MAP4: variants seen among roughly 807,000 people sequenced by gnomAD.
MAP4 encodes microtubule associated protein 4.
A neutral mutation model predicts 170.2 loss-of-function variants in MAP4; 76 were observed. The observed-to-expected ratio is 0.45, with a 90% CI of 0.37 to 0.54. The LOEUF is 0.54. Among genes scored for constraint, MAP4 ranks in the 20% least tolerant of loss-of-function variants. MAP4 has a pLI of 0.00. For missense variants in MAP4, 2,506 were observed against 2,748.0 expected, an observed-to-expected ratio of 0.91 and a Z score of 1.97; for synonymous variants, 909 against 994.5, an observed-to-expected ratio of 0.91 and a Z score of 1.62.
At chr3:47,928,154 T>C in intron 4 of MAP4, 74 bp downstream of exon 4, 1 of 1,576,040 alleles carries the variant, frequency 6.3e-7, no homozygotes, top group Non-Finnish European at 8.7e-7. Flanking sequence ...CATTTTCATC[T>C]GAATGGTGGT....
intron 1 of MAP4, among the ~76,000 whole-genome samples, chr3:48,045,286 GA>G (rs1346198578): frequency 1.3e-5 from 2 of 148,538 alleles, no homozygotes; most frequent in Admixed American, 6.7e-5. Flanking sequence ...AAATTTCATT[GA>G]AACATTAAAA....
chr3:47,918,508 A>T (rs34422388), intron 6 of MAP4, among the ~76,000 whole-genome samples: 366 of 152,306 alleles, frequency 2.4e-3, no homozygotes, highest in Non-Finnish European at 3.6e-3. Context: ...TAAAAAATTT[A>T]AAAAAAGTAT....
In MAP4 at chr3:47,967,947, C is replaced by T. The variant is rs570929853; in HGVS notation, c.292+9918G>A. 9.0e-4 allele frequency among the ~76,000 whole-genome samples: 137 copies of T among 152,170 alleles called. 1 individual carries two copies. The highest frequency in any genetic ancestry group is 1.8e-3 in the Non-Finnish European group (124 of 67,988). On this transcript the variant is annotated intron_variant, in intron 3 of 20. Transcript: ENST00000683076. Reference sequence around the variant, plus strand: ...TCCAGCCTGGGTGACAGAGTAAGACCCTGCCTCAAAACAAAAAAACACTTT... The same window carrying T: ...TCCAGCCTGGGTGACAGAGTAAGACTCTGCCTCAAAACAAAAAAACACTTT...
intron 10 of MAP4, among the ~76,000 whole-genome samples, chr3:47,885,590 T>C (rs1381788271): frequency 3.3e-5 from 5 of 152,182 alleles, no homozygotes; most frequent in African/African-American, 9.7e-5. Flanking sequence ...TAGGAGGTTT[T>C]TGTAATGGAG....
chr3:47,869,094 G>T, intron 16 of MAP4, 120 bp downstream of exon 16: 1 of 763,900 alleles, frequency 1.3e-6, no homozygotes. Flanking sequence ...GGAATATAGG[G>T]GAGAAGAAGT....
At chr3:47,930,369 C>T (rs1367176847) in intron 3 of MAP4, among the ~76,000 whole-genome samples, 1 of 149,634 alleles carries the variant, frequency 6.7e-6, no homozygotes, top group Non-Finnish European at 1.5e-5. Context: ...GGCGTGAACC[C>T]GGGAAGCGGA....
At chr3:47,922,608 T>A (rs1367116431) in intron 4 of MAP4, among the ~76,000 whole-genome samples, 7 of 150,812 alleles carry the variant, frequency 4.6e-5, no homozygotes, top group African/African-American at 1.7e-4. Flanking sequence ...CATGTGGACA[T>A]GATGAAGAAA....
intron 5 of MAP4, among the ~76,000 whole-genome samples, chr3:47,919,603 C>T (rs967217186): frequency 1.3e-5 from 2 of 152,312 alleles, no homozygotes; most frequent in African/African-American, 2.4e-5. Context: ...ACACCGCGCC[C>T]GGCCGACAAC....
At chr3:47,881,467 T>TATAC (rs2096721126) in intron 10 of MAP4, among the ~76,000 whole-genome samples, 3 of 52,456 alleles carry the variant, frequency 5.7e-5, no homozygotes, top group Non-Finnish European at 1.4e-4. Flanking sequence ...TATATATATA[T>TATAC]ATATATATAT....
At chr3:48,069,150 T>A (rs570275619) in intron 1 of MAP4, among the ~76,000 whole-genome samples, 1 of 152,174 alleles carries the variant, frequency 6.6e-6, no homozygotes, top group Non-Finnish European at 1.5e-5. Context: ...TTCCAGTAAG[T>A]CCATGAGTTT....
At chr3:47,924,686 C>A (rs140954586) in intron 4 of MAP4, among the ~76,000 whole-genome samples, 1 of 152,178 alleles carries the variant, frequency 6.6e-6, no homozygotes, top group Non-Finnish European at 1.5e-5. Context: ...GGCTGCAGAA[C>A]CTGCCTGTTA....
At position 48,036,717 on chromosome 3, in the gene MAP4, A is replaced by C. The variant is rs2100118928; in HGVS notation, c.-19-37838T>G. Among the ~76,000 whole-genome samples, 2 of 152,210 alleles carry C rather than the reference A, an allele frequency of 1.3e-5. 1 individual carries two copies. Among genetic ancestry groups the C allele is most frequent in the African/African-American group, 4.8e-5 (2 of 41,464 alleles). On this transcript the variant is annotated intron_variant, in intron 1 of 18. Transcript: ENST00000360240. ...GTTTAGAGTGAATCTCCCTAAGTTT[A>C]TATGTATCAATCAGTATGCATATGA...
chr3:48,088,663 C>G (rs1038531807), intron 1 of MAP4: 3 of 152,392 alleles, frequency 2.0e-5, no homozygotes, highest in African/African-American at 7.2e-5. Flanking sequence ...CCTTCCACGC[C>G]TCGGGCGGGC....
At chr3:48,010,196 A>C (rs2100104503) in intron 1 of MAP4, among the ~76,000 whole-genome samples, 1 of 152,216 alleles carries the variant, frequency 6.6e-6, no homozygotes, top group Non-Finnish European at 1.5e-5. Context: ...CCAGGAAAAA[A>C]ACCCATGACC....
At chr3:47,913,504 A>C (rs2153551374) in intron 8 of MAP4, among the ~76,000 whole-genome samples, 1 of 152,326 alleles carries the variant, frequency 6.6e-6, no homozygotes, top group Middle Eastern at 3.4e-3. Context: ...ATACTATTTT[A>C]TTCAATTATT....
intron 1 of MAP4, among the ~76,000 whole-genome samples, chr3:48,003,448 CT>C: frequency 1.2e-5 from 1 of 86,224 alleles, no homozygotes; most frequent in East Asian, 3.5e-4. Flanking sequence ...AGTGAGACTC[CT>C]TCTCAAAAAA....
rs2047442041 is a variant in MAP4, at chr3:47,853,311, G to A, written c.6738C>T (p.Pro2246=). The change falls in exon 20 of 21, where the codon CCC becomes CCT. Residue 2246 remains proline (P), a synonymous_variant. Transcript: ENST00000683076. ...AGATGGCCGGCTCCTCCCCAGCAGG[G>A]GGACCCGGACACAGAGGAGCCTCGC... ...GGSEAPLCPG[P]PAGEEPAISE... 6.2e-7 allele frequency: 1 copy of A among 1,611,024 alleles called. No individual in the cohort carries two copies. Among genetic ancestry groups the A allele is most frequent in the African/African-American group, 1.3e-5 (1 of 74,886 alleles).
chr3:48,058,093 T>C (rs2100133229), intron 1 of MAP4, among the ~76,000 whole-genome samples: 1 of 152,204 alleles, frequency 6.6e-6, no homozygotes, highest in Non-Finnish European at 1.5e-5. Flanking sequence ...ATAAGATGCT[T>C]ACAAACCTAA....
At chr3:47,881,496 A>G (rs1170020812) in intron 10 of MAP4, among the ~76,000 whole-genome samples, 4 of 100,596 alleles carry the variant, frequency 4.0e-5, no homozygotes, top group East Asian at 3.2e-4. Flanking sequence ...ATATATATAT[A>G]TGCATAATCA....
Sources: gnomAD v4.1 joint callset for allele counts (sites outside exome capture counted in the v4.1 genomes callset) on GRCh38, gnomAD v4.1.1 for gene constraint, MANE v1.5 for transcripts, NCBI Gene and HGNC (gene_info 2026-07-23, HGNC 2026-07-21) for gene names.